Variants in SLC26A5 observed in about 807,000 individuals in gnomAD.
SLC26A5 encodes solute carrier family 26 member 5.
SLC26A5 carries 51 observed loss-of-function variants against 81.0 expected under a neutral mutation model. The ratio of observed to expected loss-of-function variants is 0.63; its 90% confidence interval spans 0.50 to 0.80. SLC26A5 has a LOEUF of 0.80. SLC26A5 is among the 30% of genes least tolerant of loss of function. The probability of loss-of-function intolerance (pLI) is 0.00; values close to 1 mark genes in which losing one functional copy is unlikely to be tolerated. For missense variants in SLC26A5, 771 were observed against 905.8 expected (o/e 0.85, Z 1.91); for synonymous variants, 325 against 332.8 (o/e 0.98, Z 0.25).
intron 11 of SLC26A5, among the ~76,000 whole-genome samples, chr7:103,390,989 C>G (rs1244098559): frequency 6.6e-6 from 1 of 152,068 alleles, no homozygotes; most frequent in Non-Finnish European, 1.5e-5. Flanking sequence ...CCTCAGCCTC[C>G]CAAGTAGCTG....
intron 2 of SLC26A5, among the ~76,000 whole-genome samples, chr7:103,437,859 G>T (rs560130537): frequency 2.6e-4 from 39 of 152,334 alleles, no homozygotes; most frequent in Admixed American, 1.0e-3. Context: ...GAGAGCGATT[G>T]CACAGCAGGA....
intron 14 of SLC26A5, among the ~76,000 whole-genome samples, chr7:103,381,761 CCACACA>C: frequency 6.7e-6 from 1 of 150,202 alleles, no homozygotes; most frequent in East Asian, 2.0e-4. Context: ...ACCCCTCATA[CCACACA>C]CACACACACA....
At chr7:103,403,509 C>T (rs1161612907) in intron 8 of SLC26A5, among the ~76,000 whole-genome samples, 8 of 152,058 alleles carry the variant, frequency 5.3e-5, no homozygotes, top group Admixed American at 1.3e-4. Flanking sequence ...GAGTCTAAGT[C>T]TCTTTGTAGG....
chr7:103,380,524 G>A lies in SLC26A5; in HGVS notation c.1540C>T (p.Leu514Phe). ...QSPSYKVLGK[L>F]PETDVYIDID... is the part of the protein sequence containing the mutation. ...TCAATATACACATCAGTTTCAGGAA[G>A]CTTTCCAAGGACTTTGTAGCTTGGA... The change falls in exon 15 of 20, where the codon CTT becomes TTT. Residue 514 changes from leucine to phenylalanine, a missense_variant. Coordinates refer to ENST00000306312, the MANE Select transcript of SLC26A5 (RefSeq NM_198999.3). 1 of 1,613,784 alleles carries A rather than the reference G, an allele frequency of 6.2e-7. No homozygotes were observed. The highest frequency in any genetic ancestry group is 8.5e-7 in the Non-Finnish European group (1 of 1,179,786).
At chr7:103,362,309 G>C in intron 19 of SLC26A5, 2 of 1,377,476 alleles carry the variant, frequency 1.5e-6, no homozygotes, top group Non-Finnish European at 9.3e-7. Context: ...ATTATGAATG[G>C]CTTCAAATTT....
At chr7:103,412,254 G>C (rs1412530035) in intron 5 of SLC26A5, among the ~76,000 whole-genome samples, 1 of 152,182 alleles carries the variant, frequency 6.6e-6, no homozygotes, top group Non-Finnish European at 1.5e-5. Flanking sequence ...GCCTTATGCA[G>C]CACCAGAACT....
At chr7:103,385,319 C>T (rs896931348) in intron 14 of SLC26A5, among the ~76,000 whole-genome samples, 2 of 152,070 alleles carry the variant, frequency 1.3e-5, no homozygotes, top group East Asian at 1.9e-4. Context: ...CCCGCCACCA[C>T]GCCTGGCTAA....
intron 2 of SLC26A5, among the ~76,000 whole-genome samples, chr7:103,439,350 T>C (rs1352100212): frequency 2.0e-5 from 3 of 152,166 alleles, no homozygotes; most frequent in Non-Finnish European, 4.4e-5. Flanking sequence ...AACTAAACAG[T>C]AAGAAACTCC....
intron 18 of SLC26A5, among the ~76,000 whole-genome samples, 171 bp downstream of exon 18, chr7:103,377,428 C>CG (rs910694966): frequency 6.6e-6 from 1 of 152,028 alleles, no homozygotes; most frequent in Non-Finnish European, 1.5e-5. Flanking sequence ...TGATAGTTCA[C>CG]GGGGGTTCAA....
intron 15 of SLC26A5, among the ~76,000 whole-genome samples, chr7:103,379,992 G>A (rs1428669339): frequency 2.0e-5 from 3 of 151,870 alleles, no homozygotes; most frequent in Admixed American, 2.0e-4. Flanking sequence ...AGACAAGACC[G>A]ACAGACAAAA....
At chr7:103,423,455 T>C (rs1484082916) in intron 2 of SLC26A5, among the ~76,000 whole-genome samples, 2 of 152,250 alleles carry the variant, frequency 1.3e-5, no homozygotes, top group Non-Finnish European at 2.9e-5. Flanking sequence ...TTGACTGTTT[T>C]TGTCTCTTTC....
intron 2 of SLC26A5, among the ~76,000 whole-genome samples, chr7:103,423,716 T>C (rs10245823): frequency 0.029 from 4,463 of 152,280 alleles, 244 homozygotes; most frequent in African/African-American, 0.1. Context: ...CCTTACCAGC[T>C]GGTGCATTGT....
intron 2 of SLC26A5, among the ~76,000 whole-genome samples, chr7:103,427,838 C>A (rs1825806341): frequency 6.8e-6 from 1 of 147,070 alleles, no homozygotes; most frequent in African/African-American, 2.6e-5. Flanking sequence ...AATTTCCAGG[C>A]CTTCTAGAGA....
chr7:103,434,327 T>C (rs535228580), intron 2 of SLC26A5, among the ~76,000 whole-genome samples: 6 of 152,294 alleles, frequency 3.9e-5, no homozygotes, highest in East Asian at 3.9e-4. Context: ...TGAGAAGCCT[T>C]ATGTTAATCT....
downstream of SLC26A5, among the ~76,000 whole-genome samples, chr7:103,371,491 A>T (rs563734621): frequency 1.9e-3 from 283 of 149,752 alleles, 11 homozygotes; most frequent in Admixed American, 0.019. Flanking sequence ...CGCCCGGCTA[A>T]TTTTTTTGTA....
intron 19 of SLC26A5, chr7:103,353,864 TA>T: frequency 6.8e-7 from 1 of 1,478,578 alleles, no homozygotes; most frequent in Non-Finnish European, 9.3e-7. Flanking sequence ...GTTTCTTTTT[TA>T]AAAATTTTAA....
intron 2 of SLC26A5, among the ~76,000 whole-genome samples, chr7:103,438,974 A>G (rs1826668106): frequency 6.6e-6 from 1 of 152,256 alleles, no homozygotes; most frequent in South Asian, 2.1e-4. Flanking sequence ...CAGACCCAAC[A>G]AAACACATAG....
intron 4 of SLC26A5, among the ~76,000 whole-genome samples, chr7:103,416,757 C>T (rs1158213794): frequency 1.3e-5 from 2 of 152,150 alleles, no homozygotes; most frequent in South Asian, 2.1e-4. Flanking sequence ...CTCTCATTTT[C>T]TTCCTCCTTG....
chr7:103,353,795 C>A, intron 19 of SLC26A5: 1 of 783,386 alleles, frequency 1.3e-6, no homozygotes, highest in Non-Finnish European at 2.1e-6. Flanking sequence ...TCATCATAAT[C>A]TTGCTTGATT....
Sources: allele counts gnomAD v4.1 joint callset (sites outside exome capture counted in the v4.1 genomes callset), GRCh38; gene constraint gnomAD v4.1.1; transcripts MANE v1.5; gene names NCBI Gene and HGNC (gene_info 2026-07-23, HGNC 2026-07-21).